The following ADD2 variants were observed in gnomAD, a reference collection of about 807,000 sequenced individuals.
The protein encoded by ADD2 is adducin 2.
ADD2 carries 23 observed loss-of-function variants against 83.0 expected under a neutral mutation model. The ratio of observed to expected loss-of-function variants is 0.28; its 90% CI spans 0.20 to 0.39. The LOEUF (loss-of-function observed/expected upper bound fraction) is 0.39, where lower values mean the gene tolerates loss of function less well. ADD2 is among the 10% of genes least tolerant of loss of function. ADD2 has a pLI of 1.00. For synonymous variants in ADD2, 375 were observed against 375.4 expected (o/e 1.00, Z 0.01); for missense variants, 758 against 944.9 (o/e 0.80, Z 2.59).
chr2:70,741,471 G>A (rs1553381112), intron 1 of ADD2: 2 of 152,174 alleles, frequency 1.3e-5, no homozygotes, highest in African/African-American at 4.8e-5. Context: ...AGCTCCTTTG[G>A]GAGGCAAGCT....
chr2:70,712,961 G>A (rs1268984523), intron 2 of ADD2, 105 bp downstream of exon 2: 1 of 282,246 alleles, frequency 3.5e-6, no homozygotes, highest in Non-Finnish European at 5.4e-6. Flanking sequence ...CTGAGTGTCT[G>A]GAAGCTCATC....
In ADD2 at chr2:70,659,495, T is replaced by A. The variant is rs1675468759; in HGVS notation, c.*3930A>T. The A allele has an allele frequency of 6.6e-6, 1 of 152,212 alleles. No homozygotes were observed. Among genetic ancestry groups the A allele is most frequent in the East Asian group, 1.9e-4 (1 of 5,198 alleles). The allele number at this position is 152,212 out of a possible 1,614,324, so 9.4% of individuals were successfully genotyped here. A position where few individuals can be genotyped will look rare whatever the true frequency, so the allele number is the denominator to read the frequency against. On this transcript the variant is annotated 3_prime_UTR_variant, in exon 16 of 16. Transcript: ENST00000264436. ...TGGATCAGTGGCAGAGGGCAGTGCTTTACAGTGGGGTTCTTACTGTAAGAA... is the reference window on the plus strand; with the variant it reads ...TGGATCAGTGGCAGAGGGCAGTGCTATACAGTGGGGTTCTTACTGTAAGAA...
intron 1 of ADD2, among the ~76,000 whole-genome samples, chr2:70,763,315 T>C (rs1288725725): frequency 6.6e-6 from 1 of 151,972 alleles, no homozygotes; most frequent in Non-Finnish European, 1.5e-5. Flanking sequence ...CAGTTTTTCA[T>C]ATTATTGCTT....
chr2:70,746,058 T>C (rs1553381930), intron 1 of ADD2, among the ~76,000 whole-genome samples: 3 of 152,204 alleles, frequency 2.0e-5, no homozygotes. Flanking sequence ...AGTGAGACTG[T>C]CGTTATGATA....
At chr2:70,682,793 C>T (rs11888050) in intron 10 of ADD2, among the ~76,000 whole-genome samples, 6,303 of 152,216 alleles carry the variant, frequency 0.041, 430 homozygotes, top group African/African-American at 0.14. Flanking sequence ...CAGCCCACTC[C>T]TAGACACATA....
intron 14 of ADD2, 154 bp from the exon 15 acceptor site, chr2:70,673,160 CCTT>C (rs1669978888): frequency 6.4e-7 from 1 of 1,569,146 alleles, no homozygotes; most frequent in Admixed American, 1.7e-5. Context: ...CTCCCCCTGA[CCTT>C]CTTAGATTTC....
chr2:70,735,495 G>A (rs1673495588), intron 1 of ADD2, among the ~76,000 whole-genome samples: 1 of 152,018 alleles, frequency 6.6e-6, no homozygotes, highest in Admixed American at 6.6e-5. Flanking sequence ...CACATACACA[G>A]CTACCTCCAT....
At chr2:70,720,397 G>C (rs1553377129) in intron 1 of ADD2, among the ~76,000 whole-genome samples, 1 of 151,938 alleles carries the variant, frequency 6.6e-6, no homozygotes, top group Non-Finnish European at 1.5e-5. Flanking sequence ...CATCTCAAAA[G>C]CTGAGCAGTG....
chr2:70,715,904 G>A (rs1451313141), intron 1 of ADD2, among the ~76,000 whole-genome samples: 5 of 152,062 alleles, frequency 3.3e-5, no homozygotes, highest in Non-Finnish European at 7.4e-5. Flanking sequence ...GCCAGGCCCT[G>A]AATCATGCCT....
intron 5 of ADD2, 31 bp from the exon 6 acceptor site, chr2:70,695,832 A>G: frequency 6.3e-7 from 1 of 1,593,072 alleles, no homozygotes; most frequent in Non-Finnish European, 8.6e-7. Context: ...CTCAGGGGCA[A>G]GGAGGGAGAA....
intron 1 of ADD2, among the ~76,000 whole-genome samples, chr2:70,727,070 G>C (rs1355874067): frequency 6.6e-6 from 1 of 152,184 alleles, no homozygotes; most frequent in African/African-American, 2.4e-5. Flanking sequence ...ATCAGTAGTG[G>C]CTACCTAGAA....
chr2:70,704,495 C>A lies in ADD2; in HGVS notation c.184-36G>T, dbSNP rs965211159. 6.8e-6 allele frequency: 11 copies of A among 1,610,628 alleles called. No homozygotes were observed. The South Asian group carries it at 7.7e-5, about 11-fold the overall frequency. ...CCCCGAGGTGCTTGTCCCCCCACAGCCTCTCACACAGCTGCCCAACAATGA... is the reference window on the plus strand; with the variant it reads ...CCCCGAGGTGCTTGTCCCCCCACAGACTCTCACACAGCTGCCCAACAATGA... On this transcript the variant is annotated intron_variant, in intron 3 of 15. Coordinates refer to ENST00000264436, the MANE Select transcript of ADD2 (RefSeq NM_001617.4).
intron 1 of ADD2, among the ~76,000 whole-genome samples, chr2:70,751,941 G>C (rs13408905): frequency 0.36 from 55,291 of 151,932 alleles, 10,129 homozygotes; most frequent in Middle Eastern, 0.46. Context: ...TACAAGAGTC[G>C]CCGCTTTTCA....
intron 1 of ADD2, among the ~76,000 whole-genome samples, chr2:70,767,140 T>C (rs1399036391): frequency 1.3e-5 from 2 of 151,820 alleles, no homozygotes; most frequent in Non-Finnish European, 1.5e-5. Flanking sequence ...GATTTAAAAA[T>C]AAGCAGACAC....
At chr2:70,669,157 G>A (rs1669796780) in intron 15 of ADD2, among the ~76,000 whole-genome samples, 1 of 152,212 alleles carries the variant, frequency 6.6e-6, no homozygotes, top group African/African-American at 2.4e-5. Flanking sequence ...GCAACAAGCT[G>A]AGCTGCCCAT....
intron 1 of ADD2, among the ~76,000 whole-genome samples, chr2:70,726,065 T>C (rs528417136): frequency 3.7e-4 from 56 of 151,426 alleles, no homozygotes; most frequent in African/African-American, 1.3e-3. Context: ...CAGGCGCCTG[T>C]AGTCCCAGCT....
At chr2:70,700,023 C>T (rs1052993952) in intron 4 of ADD2, among the ~76,000 whole-genome samples, 3 of 151,886 alleles carry the variant, frequency 2.0e-5, no homozygotes, top group African/African-American at 7.3e-5. Flanking sequence ...ATGCTTATGC[C>T]GTGAATATTT....
At chr2:70,672,641 G>A (rs919208711) in intron 15 of ADD2, among the ~76,000 whole-genome samples, 4 of 152,208 alleles carry the variant, frequency 2.6e-5, no homozygotes, top group Non-Finnish European at 4.4e-5. Context: ...GCAAGGAGCC[G>A]GGGGCCAGCC....
intron 1 of ADD2, among the ~76,000 whole-genome samples, chr2:70,740,370 A>G (rs941260122): frequency 2.0e-5 from 3 of 152,228 alleles, no homozygotes; most frequent in Admixed American, 6.5e-5. Context: ...AGGAGAATAC[A>G]AGAAACCTGA....
Sources: allele counts gnomAD v4.1 joint callset (sites outside exome capture counted in the v4.1 genomes callset), GRCh38; gene constraint gnomAD v4.1.1; transcripts MANE v1.5; gene names NCBI Gene and HGNC (gene_info 2026-07-23, HGNC 2026-07-21).